The following DNM1L variants were observed in gnomAD, a reference collection of about 807,000 sequenced individuals.
The protein encoded by DNM1L is dynamin-1-like protein.
A neutral mutation model predicts 92.8 loss-of-function variants in DNM1L; 33 were observed. The ratio of observed to expected loss-of-function variants is 0.36; its 90% CI spans 0.27 to 0.48. The LOEUF (loss-of-function observed/expected upper bound fraction) is 0.48. Among genes scored for constraint, DNM1L ranks in the 20% least tolerant of loss-of-function variants. The probability of loss-of-function intolerance (pLI) is 0.99; values close to 1 mark genes in which losing one functional copy is unlikely to be tolerated. For missense variants in DNM1L, 485 were observed against 888.8 expected (o/e 0.55, Z 5.78); for synonymous variants, 284 against 305.0 (o/e 0.93, Z 0.72).
rs190193447 is a variant in DNM1L, at chr12:32,705,682, C to T, written c.251-1685C>T. ...TTTTTCTTCTTAGCCACTAACTTTA[C>T]TTTCGTCAGTAAATTTTGAATAATT... On this transcript the variant is annotated intron_variant, in intron 2 of 19. Transcript: ENST00000549701. 130 of 738,584 alleles carry T rather than the reference C, an allele frequency of 1.8e-4. 1 individual carries two copies. In the East Asian group the frequency reaches 3.3e-3, roughly 19 times the overall value. The allele number at this position is 738,584 out of a possible 1,614,324, so 45.8% of individuals were successfully genotyped here.
chr12:32,679,515 T>G, intron 1 of DNM1L, 50 bp downstream of exon 1: 1 of 1,546,568 alleles, frequency 6.5e-7, no homozygotes, highest in Non-Finnish European at 8.8e-7. Context: ...GCCGCAGGCC[T>G]GGTCGGTGCT....
intron 2 of DNM1L, among the ~76,000 whole-genome samples, chr12:32,704,190 A>C (rs1165617854): frequency 6.6e-6 from 1 of 152,184 alleles, no homozygotes; most frequent in East Asian, 1.9e-4. Context: ...AAATGTGAAA[A>C]AAAAATTTAT....
chr12:32,704,935 G>A (rs892372827), intron 2 of DNM1L, among the ~76,000 whole-genome samples: 1 of 149,868 alleles, frequency 6.7e-6, no homozygotes, highest in African/African-American at 2.5e-5. Flanking sequence ...AGTATATTTT[G>A]TAGATTTTTA....
intron 18 of DNM1L, among the ~76,000 whole-genome samples, chr12:32,741,355 G>C (rs1955276269): frequency 6.6e-6 from 1 of 152,176 alleles, no homozygotes; most frequent in Admixed American, 6.5e-5. Flanking sequence ...GCGCAGTCTT[G>C]GCCCACTTCA....
intron 13 of DNM1L, 112 bp downstream of exon 13, chr12:32,733,919 T>G: frequency 3.3e-6 from 3 of 917,872 alleles, no homozygotes. Flanking sequence ...GCCACATTAG[T>G]GCCTGCTGCA....
intron 2 of DNM1L, 25 bp from the exon 3 acceptor site, chr12:32,707,342 A>G (rs771393370): frequency 1.6e-5 from 26 of 1,595,522 alleles, no homozygotes; most frequent in Non-Finnish European, 2.0e-5. Context: ...ATAGTTTCCA[A>G]TAAATGAGTT....
intron 13 of DNM1L, 41 bp from the exon 14 acceptor site, chr12:32,737,064 A>C: frequency 1.2e-6 from 2 of 1,610,396 alleles, no homozygotes; most frequent in South Asian, 2.2e-5. Flanking sequence ...CATATATCTC[A>C]ATACTTGGAT....
chr12:32,715,621 A>G (rs1020686080), intron 6 of DNM1L, among the ~76,000 whole-genome samples: 1 of 152,066 alleles, frequency 6.6e-6, no homozygotes, highest in African/African-American at 2.4e-5. Context: ...AGTCCCAGCT[A>G]CTGGGGAGGC....
Position 32,680,096 on chromosome 12 carries a change from G to T in DNM1L, c.102+631G>T, listed in dbSNP as rs1592550150. Reference sequence around the variant, plus strand: ...AAAACGTGTATCTAGAGTTCTGCGGGTGTTGGGAAGGAATATCCGATTTTT... The same window carrying T: ...AAAACGTGTATCTAGAGTTCTGCGGTTGTTGGGAAGGAATATCCGATTTTT... On this transcript the variant is annotated intron_variant, in intron 1 of 19. Coordinates refer to ENST00000549701, the MANE Select transcript of DNM1L (RefSeq NM_012062.5). 8 of 822,778 alleles carry T rather than the reference G, an allele frequency of 9.7e-6. No individual in the cohort carries two copies. The East Asian group carries it at 8.6e-4, about 89-fold the overall frequency. The allele number at this position is 822,778 out of a possible 1,614,324, so 51.0% of individuals were successfully genotyped here. A position where few individuals can be genotyped will look rare whatever the true frequency, so the allele number is the denominator to read the frequency against.
intron 2 of DNM1L, chr12:32,706,021 A>T (rs1232319654): frequency 6.9e-6 from 4 of 578,474 alleles, no homozygotes; most frequent in Non-Finnish European, 8.4e-6. Context: ...TTTTTTTGGC[A>T]TTGCATCAAA....
Position 32,740,215 on chromosome 12 carries a change from G to C in DNM1L, c.1859G>C (p.Gly620Ala), listed in dbSNP as rs143592037. ...ATTATGCCAGCCAGTCCACAAAAAG[G>C]TCATGCCGTGAACCTGCTAGATGTG... Reference protein sequence around the residue: ...IPIMPASPQKGHAVNLLDVPV... With the variant: ...IPIMPASPQKAHAVNLLDVPV... Residue 620 changes from glycine to alanine, a missense_variant, in exon 17 of 20, where the codon GGT becomes GCT. Physicochemically the swap from Gly to Ala is moderately conservative, Grantham distance 60. Transcript: ENST00000549701. 2 of 1,613,986 alleles carry C rather than the reference G, an allele frequency of 1.2e-6. No individual in the cohort carries two copies. The highest frequency in any genetic ancestry group is 1.7e-6 in the Non-Finnish European group (2 of 1,180,028).
At chr12:32,691,554 A>G (rs1952235581) in intron 1 of DNM1L, among the ~76,000 whole-genome samples, 1 of 152,026 alleles carries the variant, frequency 6.6e-6, no homozygotes, top group Non-Finnish European at 1.5e-5. Flanking sequence ...GACTTGTTTT[A>G]ACTTAATCGC....
In DNM1L at chr12:32,743,536, C is replaced by CTATAAACT; in HGVS notation, c.*127_*134dup. ...ATGAATCTGCTCATGTGGAGACTGG[C>CTATAAACT]TATAAACTGAAAAGTGTATTCCAAA... is the stretch of plus-strand genomic sequence containing the variant. On this transcript the variant is annotated 3_prime_UTR_variant, in exon 20 of 20. Transcript: ENST00000549701. 1.2e-6 allele frequency: 1 copy of CTATAAACT among 865,402 alleles called. No homozygotes were observed. Among genetic ancestry groups the CTATAAACT allele is most frequent in the Admixed American group, 2.2e-5 (1 of 44,740 alleles). 53.6% of individuals were successfully genotyped at this position (865,402 alleles called of 1,614,324 possible).
intron 4 of DNM1L, among the ~76,000 whole-genome samples, chr12:32,710,651 T>A (rs1308186843): frequency 3.3e-5 from 5 of 149,256 alleles, no homozygotes; most frequent in Admixed American, 1.3e-4. Flanking sequence ...AAAGGAAAAA[T>A]TTATGTTTAT....
At position 32,679,303 on chromosome 12, in the gene DNM1L, G is replaced by A. The variant is rs1463060303; in HGVS notation, c.-61G>A. 8.3e-7 allele frequency: 1 copy of A among 1,208,570 alleles called. No individual in the cohort carries two copies. Among genetic ancestry groups the A allele is most frequent in the Non-Finnish European group, 1.2e-6 (1 of 822,794 alleles). 74.9% of individuals were successfully genotyped at this position (1,208,570 alleles called of 1,614,324 possible). ...GGAGAGGAGGAAGGAGGCGAACTGTGGGCCCCGGCCCCATTCATTGCCGTG... is the reference window on the plus strand; with the variant it reads ...GGAGAGGAGGAAGGAGGCGAACTGTAGGCCCCGGCCCCATTCATTGCCGTG... On this transcript the variant is annotated 5_prime_UTR_variant, in exon 1 of 20. Coordinates refer to ENST00000549701, the MANE Select transcript of DNM1L (RefSeq NM_012062.5).
chr12:32,738,029 T>G, intron 15 of DNM1L, 87 bp downstream of exon 15: 1 of 1,418,524 alleles, frequency 7.0e-7, no homozygotes, highest in Non-Finnish European at 9.9e-7. Flanking sequence ...AATAGAAGAA[T>G]ATTAATATGG....
chr12:32,724,593 A>ATATATATATATAT, intron 9 of DNM1L, among the ~76,000 whole-genome samples: 2 of 66,670 alleles, frequency 3.0e-5, no homozygotes, highest in South Asian at 4.9e-4. Flanking sequence ...AAAAAAAAAA[A>ATATATATATATAT]ATATATATAT....
chr12:32,686,343 A>G (rs1261650507), intron 1 of DNM1L, among the ~76,000 whole-genome samples: 1 of 152,148 alleles, frequency 6.6e-6, no homozygotes, highest in Non-Finnish European at 1.5e-5. Flanking sequence ...CACTGTGCCC[A>G]GCCAAAATTA....
intron 9 of DNM1L, among the ~76,000 whole-genome samples, chr12:32,724,906 C>G (rs1174094628): frequency 6.6e-6 from 1 of 151,650 alleles, no homozygotes; most frequent in African/African-American, 2.4e-5. Flanking sequence ...GTAAACAGTA[C>G]TACACATTTT....
Sources: gnomAD v4.1 joint callset for allele counts (sites outside exome capture counted in the v4.1 genomes callset) on GRCh38, gnomAD v4.1.1 for gene constraint, MANE v1.5 for transcripts, NCBI Gene and HGNC (gene_info 2026-07-23, HGNC 2026-07-21) for gene names.